The following TEAD1 variants were observed in gnomAD, a reference collection of about 807,000 sequenced individuals.
The protein encoded by TEAD1 is transcriptional enhancer factor TEF-1.
In TEAD1, 9 loss-of-function variants were observed where a neutral mutation model predicts 54.9. The observed-to-expected ratio is 0.16, with a 90% CI of 0.10 to 0.29. The LOEUF is 0.29. TEAD1 is among the 10% of genes least tolerant of loss of function. The pLI, the probability that TEAD1 is intolerant of heterozygous loss-of-function variation, is 1.00. For missense variants in TEAD1, 387 were observed against 535.9 expected, an observed-to-expected ratio of 0.72 and a Z score of 2.74; for synonymous variants, 200 against 187.8, an observed-to-expected ratio of 1.07 and a Z score of -0.53.
chr11:12,893,417 T>G (rs16911714), intron 9 of TEAD1, among the ~76,000 whole-genome samples: 12,801 of 152,200 alleles, frequency 0.084, 925 homozygotes, highest in African/African-American at 0.2. Flanking sequence ...GCAGCAGACA[T>G]TGTACTGTGT....
intron 3 of TEAD1, among the ~76,000 whole-genome samples, chr11:12,825,338 T>G (rs1946629857): frequency 6.6e-6 from 1 of 152,190 alleles, no homozygotes; most frequent in Admixed American, 6.5e-5. Flanking sequence ...AAGGAACACA[T>G]GCCCAATCCC....
intron 3 of TEAD1, among the ~76,000 whole-genome samples, chr11:12,848,458 C>A (rs1407303884): frequency 1.3e-5 from 2 of 152,184 alleles, no homozygotes; most frequent in Non-Finnish European, 2.9e-5. Flanking sequence ...TCATTAAACA[C>A]TTAACAGTTG....
At chr11:12,885,533 G>A (rs547474444) in intron 9 of TEAD1, among the ~76,000 whole-genome samples, 10 of 152,110 alleles carry the variant, frequency 6.6e-5, no homozygotes, top group Admixed American at 3.9e-4. Context: ...CACCGCACCC[G>A]GGCTTGAATT....
intron 3 of TEAD1, among the ~76,000 whole-genome samples, chr11:12,767,183 C>T (rs540885780): frequency 2.8e-4 from 43 of 152,250 alleles, no homozygotes; most frequent in African/African-American, 1.0e-3. Flanking sequence ...CCCAGCCACT[C>T]GAGAACTGAA....
At position 12,943,373 on chromosome 11, in the gene TEAD1, C is replaced by G. The variant is rs377018199; in HGVS notation, c.*6151C>G. On this transcript the variant is annotated 3_prime_UTR_variant, in exon 13 of 13. Coordinates refer to ENST00000527636, the MANE Select transcript of TEAD1 (RefSeq NM_021961.6). ...TTTGTTTGAAAGTAGTTTTCTCTCTCAAAGCCGTTGCTTATATCGTTAAGA... is the reference window on the plus strand; with the variant it reads ...TTTGTTTGAAAGTAGTTTTCTCTCTGAAAGCCGTTGCTTATATCGTTAAGA... 147 of 152,738 alleles carry G rather than the reference C, an allele frequency of 9.6e-4. No homozygotes were observed. The highest frequency in any genetic ancestry group is 3.2e-3 in the African/African-American group (134 of 41,548). 9.5% of individuals were successfully genotyped at this position (152,738 alleles called of 1,614,324 possible). A position where few individuals can be genotyped will look rare whatever the true frequency, so the allele number is the denominator to read the frequency against.
chr11:12,814,848 C>T (rs1411552323), intron 3 of TEAD1, among the ~76,000 whole-genome samples: 2 of 134,664 alleles, frequency 1.5e-5, no homozygotes, highest in African/African-American at 2.8e-5. Context: ...TGTCCCCGTC[C>T]GTCCCGAGCT....
chr11:12,930,608 CT>C (rs1269698794), intron 12 of TEAD1, among the ~76,000 whole-genome samples: 1 of 152,170 alleles, frequency 6.6e-6, no homozygotes, highest in Non-Finnish European at 1.5e-5. Context: ...TTATCTCTGG[CT>C]GCAGAGTAGA....
chr11:12,750,608 G>A (rs180713499), intron 2 of TEAD1, among the ~76,000 whole-genome samples: 14 of 152,252 alleles, frequency 9.2e-5, no homozygotes, highest in African/African-American at 3.4e-4. Context: ...ACACACTCCT[G>A]GTGTTTCTGG....
At chr11:12,844,799 A>G (rs966482861) in intron 3 of TEAD1, among the ~76,000 whole-genome samples, 9 of 151,972 alleles carry the variant, frequency 5.9e-5, no homozygotes, top group Non-Finnish European at 1.3e-4. Flanking sequence ...ATGTTTTAGC[A>G]CTTTTGGGAT....
intron 3 of TEAD1, among the ~76,000 whole-genome samples, chr11:12,801,165 C>T (rs1466071652): frequency 1.3e-5 from 2 of 152,182 alleles, no homozygotes; most frequent in Non-Finnish European, 2.9e-5. Flanking sequence ...CTTGGTTTCA[C>T]AAGAAAAGAG....
intron 3 of TEAD1, among the ~76,000 whole-genome samples, chr11:12,808,527 A>G (rs1412302777): frequency 6.6e-6 from 1 of 152,096 alleles, no homozygotes; most frequent in Non-Finnish European, 1.5e-5. Flanking sequence ...GTAGTGTCCA[A>G]TTTGCAGAGG....
At chr11:12,894,210 T>C (rs778108213) in intron 9 of TEAD1, among the ~76,000 whole-genome samples, 4 of 152,214 alleles carry the variant, frequency 2.6e-5, no homozygotes, top group Non-Finnish European at 5.9e-5. Context: ...CACTACGTTC[T>C]TCAAATACTT....
intron 5 of TEAD1, among the ~76,000 whole-genome samples, chr11:12,875,762 T>G (rs917780281): frequency 2.0e-5 from 3 of 152,236 alleles, no homozygotes; most frequent in Admixed American, 6.5e-5. Context: ...CTTAGCTTTC[T>G]ATTAGGACAG....
chr11:12,791,868 G>T (rs1390859200), intron 3 of TEAD1, among the ~76,000 whole-genome samples: 1 of 152,170 alleles, frequency 6.6e-6, no homozygotes, highest in African/African-American at 2.4e-5. Flanking sequence ...TAGAACATAG[G>T]TGAAATGTTT....
At chr11:12,694,592 C>T (rs905088605) in intron 2 of TEAD1, among the ~76,000 whole-genome samples, 2 of 152,112 alleles carry the variant, frequency 1.3e-5, no homozygotes, top group African/African-American at 4.8e-5. Flanking sequence ...TGTACGTACC[C>T]AAGTCAGAGC....
At chr11:12,744,137 T>A (rs1944700853) in intron 2 of TEAD1, among the ~76,000 whole-genome samples, 1 of 152,228 alleles carries the variant, frequency 6.6e-6, no homozygotes, top group Non-Finnish European at 1.5e-5. Context: ...GTTTGGACAG[T>A]GTCACATTAG....
At chr11:12,879,204 C>G (rs1947916503) in intron 5 of TEAD1, among the ~76,000 whole-genome samples, 1 of 152,186 alleles carries the variant, frequency 6.6e-6, no homozygotes, top group Non-Finnish European at 1.5e-5. Context: ...CCAGGCCTTG[C>G]ATGACCCCAG....
At chr11:12,675,008 C>G (rs1028596093) in intron 1 of TEAD1, among the ~76,000 whole-genome samples, 174 bp downstream of exon 1, 4 of 147,834 alleles carry the variant, frequency 2.7e-5, no homozygotes, top group African/African-American at 7.3e-5. Context: ...CCCCGCGCCC[C>G]CTCCGAGGTG....
chr11:12,919,729 G>A (rs1401786791), intron 10 of TEAD1, among the ~76,000 whole-genome samples: 2 of 152,052 alleles, frequency 1.3e-5, no homozygotes, highest in East Asian at 3.9e-4. Flanking sequence ...CGAACTCCTG[G>A]GCTCAAGCAA....
Sources: gnomAD v4.1 joint callset for allele counts (sites outside exome capture counted in the v4.1 genomes callset) on GRCh38, gnomAD v4.1.1 for gene constraint, MANE v1.5 for transcripts, NCBI Gene and HGNC (gene_info 2026-07-23, HGNC 2026-07-21) for gene names.